CD34: variants seen among roughly 807,000 people sequenced by gnomAD.
CD34 encodes hematopoietic progenitor cell antigen CD34.
A neutral mutation model predicts 40.1 loss-of-function variants in CD34; 34 were observed. The observed-to-expected ratio is 0.85, with a 90% confidence interval of 0.65 to 1.13. CD34 has a LOEUF of 1.13. CD34 is among the 50% of genes most tolerant of loss of function. CD34 has a pLI of 0.00. For missense variants in CD34, 426 were observed against 466.9 expected, an observed-to-expected ratio of 0.91 and a Z score of 0.81; for synonymous variants, 209 against 190.0, an observed-to-expected ratio of 1.10 and a Z score of -0.82.
chr1:207,897,983 T>C (rs1018405477), intron 3 of CD34, among the ~76,000 whole-genome samples: 1 of 152,236 alleles, frequency 6.6e-6, no homozygotes, highest in Non-Finnish European at 1.5e-5. Flanking sequence ...CTGGGGTACC[T>C]GTTTTTTCTC....
At chr1:207,896,658 T>G (rs998328135) in intron 4 of CD34, among the ~76,000 whole-genome samples, 1 of 151,972 alleles carries the variant, frequency 6.6e-6, no homozygotes, top group Non-Finnish European at 1.5e-5. Flanking sequence ...AGAAACAAGA[T>G]GCTGAGAGAT....
In CD34 at chr1:207,888,754, C is replaced by G. The variant is rs908754246; in HGVS notation, c.900G>C (p.Leu300=). The stretch of plus-strand genomic sequence containing the variant: ...AGCCAGTGATGCCCAAGACAGCCAG[C>G]AGGGCTCCCGAGGTGACCAGTGCAA... ...TLIALVTSGA[L]LAVLGITGYF... is the part of the protein sequence containing the mutation. Residue 300 remains leucine (L), a synonymous_variant, in exon 7 of 8, where the codon CTG becomes CTC. Coordinates refer to ENST00000310833, the MANE Select transcript of CD34 (RefSeq NM_001025109.2). 10 of 1,614,108 alleles carry G rather than the reference C, an allele frequency of 6.2e-6. No homozygotes were observed. The highest frequency in any genetic ancestry group is 8.5e-6 in the Non-Finnish European group (10 of 1,180,038).
chr1:207,910,769 A>C (rs1327713569), intron 1 of CD34, among the ~76,000 whole-genome samples: 1 of 152,060 alleles, frequency 6.6e-6, no homozygotes, highest in Non-Finnish European at 1.5e-5. Context: ...TGACCGATTC[A>C]CACCTCGGCT....
intron 1 of CD34, among the ~76,000 whole-genome samples, chr1:207,905,126 CT>C (rs1662349591): frequency 1.3e-5 from 2 of 152,124 alleles, no homozygotes; most frequent in Admixed American, 1.3e-4. Flanking sequence ...TAAAGAATGG[CT>C]TTTACATTCC....
rs1661919310 is a variant in CD34, at chr1:207,887,199, G to GT, written c.*538dup. 1 of 154,764 alleles carries GT rather than the reference G, an allele frequency of 6.5e-6. No homozygotes were observed. The highest frequency in any genetic ancestry group is 1.4e-5 in the Non-Finnish European group (1 of 69,652). 9.6% of individuals were successfully genotyped at this position (154,764 alleles called of 1,614,324 possible). On this transcript the variant is annotated 3_prime_UTR_variant, in exon 8 of 8. Transcript: ENST00000310833. The stretch of plus-strand genomic sequence containing the variant: ...GGAGGAGCTGGTGACCAAGTCCACA[G>GT]TGTCTTGGAGGAGAGATGAGGGAAG...
intron 4 of CD34, chr1:207,889,887 G>A (rs113285835): frequency 6.4e-5 from 99 of 1,540,960 alleles, no homozygotes; most frequent in Middle Eastern, 2.1e-4. Flanking sequence ...AAATTGTCTC[G>A]TTGAAGCATT....
At chr1:207,892,330 C>A (rs183189637) in intron 4 of CD34, among the ~76,000 whole-genome samples, 48 of 152,254 alleles carry the variant, frequency 3.2e-4, no homozygotes, top group East Asian at 2.3e-3. Flanking sequence ...GTAATCCCAG[C>A]ACTTTGGGAG....
rs532363795 is a variant in CD34 at position 207,887,649 on chromosome 1, T to A, written c.*89A>T. 4.5e-6 allele frequency: 7 copies of A among 1,561,928 alleles called. No homozygotes were observed. The highest frequency in any genetic ancestry group is 1.7e-5 in the Admixed American group (1 of 57,828). ...GTGGGGAAGGGTTGGGCGTAAGAGA[T>A]GTCACCTCCAGCATGGGGGTAGCAC... On this transcript the variant is annotated 3_prime_UTR_variant, in exon 8 of 8. Coordinates refer to ENST00000310833, the MANE Select transcript of CD34 (RefSeq NM_001025109.2).
At chr1:207,909,489 A>G (rs947513837) in intron 1 of CD34, among the ~76,000 whole-genome samples, 8 of 151,700 alleles carry the variant, frequency 5.3e-5, no homozygotes, top group Non-Finnish European at 8.8e-5. Context: ...GCTCGCTGCA[A>G]CCTCCGCCTC....
chr1:207,905,517 C>A (rs1341172197), intron 1 of CD34, among the ~76,000 whole-genome samples: 1 of 152,202 alleles, frequency 6.6e-6, no homozygotes, highest in Non-Finnish European at 1.5e-5. Context: ...CTAAAGCCTA[C>A]AATATTTACT....
chr1:207,904,885 G>A (rs1228167460), intron 1 of CD34, among the ~76,000 whole-genome samples: 1 of 152,196 alleles, frequency 6.6e-6, no homozygotes, highest in Non-Finnish European at 1.5e-5. Flanking sequence ...TGTGGCAGGT[G>A]TGTTCCTGCC....
Position 207,882,442 on chromosome 1 carries a change from A to G in CD34, c.*5296T>C, listed in dbSNP as rs1051987175. On this transcript the variant is annotated 3_prime_UTR_variant, in exon 8 of 8. Transcript: ENST00000310833. ...CATAAATCCCAAATTTCCAGATGCA[A>G]TTAAAATCACTGGTAATACCAAGAA... 6.6e-6 allele frequency: 1 copy of G among 152,250 alleles called. No homozygotes were observed. Among genetic ancestry groups the G allele is most frequent in the African/African-American group, 2.4e-5 (1 of 41,466 alleles). 9.4% of individuals were successfully genotyped at this position (152,250 alleles called of 1,614,324 possible).
In CD34 at chr1:207,882,704, T is replaced by G. The variant is rs1362783162; in HGVS notation, c.*5034A>C. ...GCCTTAAAAGAATCACTCACATTTC[T>G]GGAACAATCACCCTCACTTTGCTCC... On this transcript the variant is annotated 3_prime_UTR_variant, in exon 8 of 8. Transcript: ENST00000310833. 1 of 152,234 alleles carries G rather than the reference T, an allele frequency of 6.6e-6. No individual in the cohort carries two copies. Among genetic ancestry groups the G allele is most frequent in the African/African-American group, 2.4e-5 (1 of 41,456 alleles). 9.4% of individuals were successfully genotyped at this position (152,234 alleles called of 1,614,324 possible).
chr1:207,897,043 T>C (rs1044074272), intron 4 of CD34, among the ~76,000 whole-genome samples: 2 of 152,088 alleles, frequency 1.3e-5, no homozygotes, highest in Non-Finnish European at 2.9e-5. Context: ...ATAAATTCTA[T>C]ATGGATTAAA....
At chr1:207,890,866 A>G (rs1662016372) in intron 4 of CD34, among the ~76,000 whole-genome samples, 1 of 152,232 alleles carries the variant, frequency 6.6e-6, no homozygotes, top group African/African-American at 2.4e-5. Flanking sequence ...CAGGTCTCCC[A>G]GTAAGTCCTT....
chr1:207,890,369 T>G (rs1276976430), intron 4 of CD34: 2 of 325,164 alleles, frequency 6.2e-6, no homozygotes, highest in East Asian at 3.4e-4. Context: ...GAATTGAAAC[T>G]AAGACTTTCT....
intron 4 of CD34, among the ~76,000 whole-genome samples, chr1:207,894,365 C>T (rs568062569): frequency 6.6e-6 from 1 of 152,124 alleles, no homozygotes; most frequent in African/African-American, 2.4e-5. Flanking sequence ...GTCATAGGAA[C>T]ATAGGAACAG....
chr1:207,911,112 G>C lies in CD34; in HGVS notation c.-32C>G. 1 of 1,548,054 alleles carries C rather than the reference G, an allele frequency of 6.5e-7. No homozygotes were observed. The highest frequency in any genetic ancestry group is 8.7e-7 in the Non-Finnish European group (1 of 1,149,800). On this transcript the variant is annotated 5_prime_UTR_variant, in exon 1 of 8. Coordinates refer to ENST00000310833, the MANE Select transcript of CD34 (RefSeq NM_001025109.2). The stretch of plus-strand genomic sequence containing the variant: ...CGCGCGGCTCCTAGAGAGACGCACC[G>C]AGTGGAAGACACTACTCGGCTTGGC...
intron 1 of CD34, among the ~76,000 whole-genome samples, chr1:207,903,310 C>A (rs1181377232): frequency 2.0e-5 from 3 of 152,166 alleles, no homozygotes; most frequent in Admixed American, 6.5e-5. Flanking sequence ...TTCTGACTCC[C>A]AACTCTGTAG....
Sources: gnomAD v4.1 joint callset for allele counts (sites outside exome capture counted in the v4.1 genomes callset) on GRCh38, gnomAD v4.1.1 for gene constraint, MANE v1.5 for transcripts, NCBI Gene and HGNC (gene_info 2026-07-23, HGNC 2026-07-21) for gene names.